The following SFXN5 variants were observed in gnomAD, a reference collection of about 807,000 sequenced individuals.
The protein encoded by SFXN5 is sideroflexin-5.
SFXN5 carries 43 observed loss-of-function variants against 50.2 expected under a neutral mutation model. That is an observed-to-expected ratio of 0.86 (90% CI 0.67 to 1.11). The LOEUF (loss-of-function observed/expected upper bound fraction) is 1.11, where lower values mean the gene tolerates loss of function less well. Among genes scored for constraint, SFXN5 ranks in the 50% least tolerant of loss-of-function variants. The probability of loss-of-function intolerance (pLI) is 0.00; values close to 1 mark genes in which losing one functional copy is unlikely to be tolerated. For missense variants in SFXN5, 463 were observed against 454.1 expected, an observed-to-expected ratio of 1.02 and a Z score of -0.18; for synonymous variants, 203 against 185.8, an observed-to-expected ratio of 1.09 and a Z score of -0.75.
chr2:73,068,887 C>T (rs1574281930), intron 1 of SFXN5, among the ~76,000 whole-genome samples: 1 of 151,110 alleles, frequency 6.6e-6, no homozygotes, highest in East Asian at 2.0e-4. Context: ...CATGGATACA[C>T]CAGGGATGAG....
At chr2:73,031,828 T>G (rs2105886477) in intron 3 of SFXN5, among the ~76,000 whole-genome samples, 1 of 152,336 alleles carries the variant, frequency 6.6e-6, no homozygotes, top group African/African-American at 2.4e-5. Flanking sequence ...TTACATAGCC[T>G]GCCTGTGCAA....
rs533570863 is a variant in SFXN5 at position 72,972,559 on chromosome 2, C to T, written c.626-874G>A. 6.6e-5 allele frequency among the ~76,000 whole-genome samples: 10 copies of T among 152,342 alleles called. No individual in the cohort carries two copies. In the East Asian group the frequency reaches 1.9e-3, roughly 30 times the overall value. ...AGCTGGCAACTAGCTCAGGGATCCT[C>T]TTTCTGCTCCCCCATCCTGGGACTC... On this transcript the variant is annotated intron_variant, in intron 10 of 13. Transcript: ENST00000272433.
chr2:72,997,505 A>T (rs1673389424), intron 9 of SFXN5: 1 of 152,200 alleles, frequency 6.6e-6, no homozygotes, highest in Non-Finnish European at 1.5e-5. Flanking sequence ...CAGCCTCCTG[A>T]GTAGCTGGGA....
chr2:73,006,813 C>T (rs6750069), intron 6 of SFXN5, among the ~76,000 whole-genome samples: 51,876 of 152,080 alleles, frequency 0.34, 11,029 homozygotes, highest in African/African-American at 0.59. Flanking sequence ...ACCAGGGATG[C>T]TGGCTCCTAA....
At chr2:73,058,197 C>A in intron 2 of SFXN5, 1 of 208,784 alleles carries the variant, frequency 4.8e-6, no homozygotes, top group Non-Finnish European at 9.8e-6. Flanking sequence ...ACTGTTTGAA[C>A]TTTTCTAATG....
At chr2:73,022,277 C>A (rs2105834418) in intron 5 of SFXN5, among the ~76,000 whole-genome samples, 1 of 152,272 alleles carries the variant, frequency 6.6e-6, no homozygotes, top group East Asian at 1.9e-4. Flanking sequence ...ACCAGATTCA[C>A]CTGTGGAAGC....
At chr2:72,947,805 A>T (rs1672126068) in intron 13 of SFXN5, among the ~76,000 whole-genome samples, 1 of 151,730 alleles carries the variant, frequency 6.6e-6, no homozygotes, top group Admixed American at 6.6e-5. Flanking sequence ...GTCTTCTCAA[A>T]CCACCTTCTC....
chr2:72,994,000 T>C (rs1208498201), intron 9 of SFXN5, among the ~76,000 whole-genome samples: 1 of 152,134 alleles, frequency 6.6e-6, no homozygotes, highest in African/African-American at 2.4e-5. Flanking sequence ...GCTCTCAGGG[T>C]ACCTGGGGAA....
chr2:72,956,403 G>A (rs996441799), intron 13 of SFXN5, among the ~76,000 whole-genome samples: 4 of 152,158 alleles, frequency 2.6e-5, no homozygotes, highest in African/African-American at 9.7e-5. Context: ...CTGTGAAAAC[G>A]CAGATTTCCT....
chr2:73,019,612 TAG>T (rs1274364516), intron 6 of SFXN5: 3 of 152,172 alleles, frequency 2.0e-5, no homozygotes, highest in Non-Finnish European at 2.9e-5. Context: ...GTATTTTTAG[TAG>T]AGACGGGGTT....
rs146116230 is a variant in SFXN5, at chr2:73,047,518, C to T, written c.172-6587G>A. Among the ~76,000 whole-genome samples the T allele has an allele frequency of 2.1e-3, 315 of 151,042 alleles. 2 individuals are homozygous for T. The highest frequency in any genetic ancestry group is 6.8e-3 in the Middle Eastern group (2 of 292). On this transcript the variant is annotated intron_variant, in intron 2 of 13. Coordinates refer to ENST00000272433, the MANE Select transcript of SFXN5 (RefSeq NM_144579.3). ...TATAATAATCCCCCCATGTCAAGGG[C>T]GGGGCCAGGTGGAGATAATTGAATC...
chr2:72,999,884 C>T (rs753691437), intron 8 of SFXN5, among the ~76,000 whole-genome samples: 3 of 152,202 alleles, frequency 2.0e-5, no homozygotes, highest in Non-Finnish European at 2.9e-5. Flanking sequence ...AGCAGCCCTT[C>T]CTGGACAACA....
intron 10 of SFXN5, among the ~76,000 whole-genome samples, chr2:72,978,414 CT>C (rs1479168434): frequency 6.6e-6 from 1 of 151,632 alleles, no homozygotes; most frequent in Non-Finnish European, 1.5e-5. Context: ...TCCCAAGTAG[CT>C]GCAATTACAG....
chr2:72,949,760 C>T (rs568380357), intron 13 of SFXN5, among the ~76,000 whole-genome samples: 39 of 152,100 alleles, frequency 2.6e-4, no homozygotes, highest in Non-Finnish European at 5.1e-4. Flanking sequence ...TGGGGGAAGA[C>T]AGGAGGAGCC....
At chr2:73,017,317 T>C (rs530210311) in intron 6 of SFXN5, among the ~76,000 whole-genome samples, 1 of 152,266 alleles carries the variant, frequency 6.6e-6, no homozygotes, top group South Asian at 2.1e-4. Context: ...TTAATAGCTT[T>C]GACTTTTAAA....
At chr2:73,064,478 T>A (rs1683036007) in intron 1 of SFXN5, among the ~76,000 whole-genome samples, 1 of 152,246 alleles carries the variant, frequency 6.6e-6, no homozygotes, top group Non-Finnish European at 1.5e-5. Context: ...GGAGCAGCAC[T>A]AGAAAAAACT....
chr2:72,942,466 G>T lies in SFXN5; in HGVS notation c.*2556C>A. On this transcript the variant is annotated 3_prime_UTR_variant, in exon 14 of 14. Transcript: ENST00000272433. ...CCAGGGGTGCAGCACCATCGCAGGC[G>T]TGGCTTGTGTTCTCGCACAGCTGGC... 1 of 152,488 alleles carries T rather than the reference G, an allele frequency of 6.6e-6. No homozygotes were observed. The highest frequency in any genetic ancestry group is 1.5e-5 in the Non-Finnish European group (1 of 68,148). The allele number at this position is 152,488 out of a possible 1,614,324, so 9.4% of individuals were successfully genotyped here.
intron 3 of SFXN5, among the ~76,000 whole-genome samples, chr2:73,029,583 C>A (rs1678036507): frequency 6.6e-6 from 1 of 152,160 alleles, no homozygotes; most frequent in Admixed American, 6.5e-5. Flanking sequence ...GGGCTGGTGG[C>A]AAGATGGAGA....
At position 73,023,038 on chromosome 2, in the gene SFXN5, C is replaced by T. The variant is rs545301727; in HGVS notation, c.276+150G>A. The T allele has an allele frequency of 4.2e-5, 29 of 686,288 alleles. No homozygotes were observed. In the South Asian group the frequency reaches 5.7e-4, roughly 13 times the overall value. The allele number at this position is 686,288 out of a possible 1,614,324, so 42.5% of individuals were successfully genotyped here. On this transcript the variant is annotated intron_variant, in intron 4 of 13. Transcript: ENST00000272433. ...TTCAGAGACTCTGGCCCTTGAGTGT[C>T]GGGGCAGAAGGAAGGGGTGAGGGGG...
Sources: gnomAD v4.1 joint callset for allele counts (sites outside exome capture counted in the v4.1 genomes callset) on GRCh38, gnomAD v4.1.1 for gene constraint, MANE v1.5 for transcripts, NCBI Gene and HGNC (gene_info 2026-07-23, HGNC 2026-07-21) for gene names.